Variants in UGT2B7 observed in about 807,000 individuals in gnomAD.
UGT2B7 encodes the protein UDP-glucuronosyltransferase 2B7.
In UGT2B7, 51 loss-of-function variants were observed where a neutral mutation model predicts 51.9. The ratio of observed to expected loss-of-function variants is 0.98; its 90% CI spans 0.78 to 1.24. UGT2B7 has a LOEUF of 1.24. Among genes scored for constraint, UGT2B7 ranks in the 50% most tolerant of loss-of-function variants. The pLI is 0.00. For missense variants in UGT2B7, 727 were observed against 628.4 expected (o/e 1.16, Z -1.68); for synonymous variants, 225 against 211.6 (o/e 1.06, Z -0.55).
chr4:69,074,448 A>G (rs1183307347), intron 1 of UGT2B7, among the ~76,000 whole-genome samples: 1 of 145,912 alleles, frequency 6.9e-6, no homozygotes, highest in Non-Finnish European at 1.5e-5. Flanking sequence ...ATATATATAA[A>G]TTAAAAATCA....
chr4:69,103,956 G>A (rs1719508474), intron 3 of UGT2B7, among the ~76,000 whole-genome samples: 1 of 152,070 alleles, frequency 6.6e-6, no homozygotes, highest in South Asian at 2.1e-4. Context: ...GTGAGGAGTA[G>A]GGGACTAAGG....
At chr4:69,055,679 C>T (rs774825808) in intron 1 of UGT2B7, among the ~76,000 whole-genome samples, 2 of 152,086 alleles carry the variant, frequency 1.3e-5, no homozygotes, top group Non-Finnish European at 2.9e-5. Context: ...GTGGAAAAAC[C>T]GTAACAGGAG....
At chr4:69,100,958 A>G (rs1295203006) in intron 2 of UGT2B7, among the ~76,000 whole-genome samples, 3 of 152,260 alleles carry the variant, frequency 2.0e-5, no homozygotes, top group Non-Finnish European at 4.4e-5. Context: ...GAAATCATAC[A>G]GAGAAAAAAA....
chr4:69,091,988 G>A (rs1252886954), upstream of UGT2B7, among the ~76,000 whole-genome samples: 2 of 151,988 alleles, frequency 1.3e-5, no homozygotes, highest in African/African-American at 4.8e-5. Flanking sequence ...TGTCACCCAG[G>A]CTGAAGTGCA....
intron 2 of UGT2B7, among the ~76,000 whole-genome samples, chr4:69,099,790 CTT>C (rs1719366821): frequency 6.6e-6 from 1 of 151,970 alleles, no homozygotes; most frequent in Admixed American, 6.6e-5. Context: ...GTGCTGGTCA[CTT>C]GAGATATCAT....
chr4:69,069,830 A>T (rs1460048503), intron 1 of UGT2B7: 1 of 152,166 alleles, frequency 6.6e-6, no homozygotes, highest in Non-Finnish European at 1.5e-5. Context: ...TCTCTTTGTC[A>T]TAATATGTTG....
chr4:69,073,098 G>T (rs568877926), intron 1 of UGT2B7, among the ~76,000 whole-genome samples: 1 of 152,200 alleles, frequency 6.6e-6, no homozygotes, highest in South Asian at 2.1e-4. Flanking sequence ...TAGCGGGTTG[G>T]ATTTTTGATT....
At chr4:69,053,536 C>A (rs1367560965) in intron 1 of UGT2B7, among the ~76,000 whole-genome samples, 1 of 152,186 alleles carries the variant, frequency 6.6e-6, no homozygotes, top group Admixed American at 6.5e-5. Context: ...GTTGACCAGG[C>A]GTAGGCTGCA....
intron 1 of UGT2B7, among the ~76,000 whole-genome samples, chr4:69,065,418 T>TTAACAGCC (rs1204155587): frequency 6.6e-6 from 1 of 152,048 alleles, no homozygotes; most frequent in Non-Finnish European, 1.5e-5. Context: ...CATCAAAGAG[T>TTAACAGCC]TAACAGCCAA....
chr4:69,086,403 A>G lies in UGT2B7; in HGVS notation c.-158-3069A>G, dbSNP rs769435831. On this transcript the variant is annotated intron_variant, in intron 1 of 5. Coordinates refer to the UGT2B7 transcript ENST00000502942. ...CTTATTTTGACCTAAAATATGGTCT[A>G]TTCTAGAAGATGTTTCATGTGCTAT... Among the ~76,000 whole-genome samples, 77 of 152,010 alleles carry G rather than the reference A, an allele frequency of 5.1e-4. 1 individual carries two copies. The highest frequency in any genetic ancestry group is 6.2e-4 in the South Asian group (3 of 4,828).
intron 1 of UGT2B7, among the ~76,000 whole-genome samples, chr4:69,062,742 A>T (rs1718376837): frequency 6.6e-6 from 1 of 152,208 alleles, no homozygotes; most frequent in Non-Finnish European, 1.5e-5. Flanking sequence ...AGCTTGAGAA[A>T]ATAGCAAGCC....
intron 1 of UGT2B7, among the ~76,000 whole-genome samples, chr4:69,082,032 A>G (rs1322887830): frequency 6.6e-6 from 1 of 151,996 alleles, no homozygotes; most frequent in African/African-American, 2.4e-5. Context: ...TTTCGCTACT[A>G]TTATATCTGT....
At chr4:69,092,978 A>C (rs1474320788), upstream of UGT2B7, among the ~76,000 whole-genome samples, 4 of 145,324 alleles carry the variant, frequency 2.8e-5, no homozygotes, top group African/African-American at 5.1e-5. Context: ...AAAAAAAAAA[A>C]CAATATTAAT....
chr4:69,062,286 C>A (rs1458085925), intron 1 of UGT2B7, among the ~76,000 whole-genome samples: 6 of 152,044 alleles, frequency 3.9e-5, no homozygotes, highest in African/African-American at 1.2e-4. Context: ...AGCCAGCCAC[C>A]CCCAATCATA....
intron 1 of UGT2B7, among the ~76,000 whole-genome samples, chr4:69,074,444 AT>A (rs200184215): frequency 0.15 from 22,544 of 147,978 alleles, 2,128 homozygotes; most frequent in Admixed American, 0.27. Context: ...ATATATATAT[AT>A]AAATTAAAAA....
chr4:69,108,111 A>T lies in UGT2B7; in HGVS notation c.1099A>T (p.Lys367Ter). Residue 367 changes from lysine (K) to a stop codon, truncating the protein, a stop_gained, in exon 5 of 6, where the codon AAG becomes TAG. Coordinates refer to ENST00000305231, the MANE Select transcript of UGT2B7 (RefSeq NM_001074.4). LOFTEE classifies it high-confidence loss of function. ...AATTCATCCAATCCTAGGTCATCCA[A>T]AGACCAGAGCTTTTATAACTCATGG... ...IPQNDLLGHP[K>*]TRAFITHGGA... 6.2e-7 allele frequency: 1 copy of T among 1,613,496 alleles called. No individual in the cohort carries two copies. Among genetic ancestry groups the T allele is most frequent in the Non-Finnish European group, 8.5e-7 (1 of 1,179,550 alleles).
chr4:69,084,862 A>G (rs1298597790), intron 1 of UGT2B7, among the ~76,000 whole-genome samples: 1 of 152,150 alleles, frequency 6.6e-6, no homozygotes, highest in African/African-American at 2.4e-5. Flanking sequence ...TGTCCAGTCT[A>G]TCATTGATGG....
At chr4:69,102,974 T>G (rs759549671) in intron 3 of UGT2B7, 36 bp downstream of exon 3, 17 of 1,592,512 alleles carry the variant, frequency 1.1e-5, no homozygotes, top group Admixed American at 1.9e-5. Context: ...GGAAAACTAC[T>G]GAAAGAGGCT....
chr4:69,112,156 A>G (rs1383431893), intron 5 of UGT2B7, among the ~76,000 whole-genome samples: 1 of 152,204 alleles, frequency 6.6e-6, no homozygotes, highest in Non-Finnish European at 1.5e-5. Flanking sequence ...CAGACATTGT[A>G]TGGAAAAGCA....
Sources: allele counts gnomAD v4.1 joint callset (sites outside exome capture counted in the v4.1 genomes callset), GRCh38; gene constraint gnomAD v4.1.1; transcripts MANE v1.5; gene names NCBI Gene and HGNC (gene_info 2026-07-23, HGNC 2026-07-21).